The following ZNF37A variants were observed in gnomAD, a reference collection of about 807,000 sequenced individuals.
ZNF37A encodes zinc finger protein 37A, also known as zinc finger protein 37a (KOX 21).
Under a neutral mutation model 12.3 loss-of-function variants are expected in ZNF37A, and 10 were observed. The ratio of observed to expected loss-of-function variants is 0.82; its 90% CI spans 0.50 to 1.38. The LOEUF (loss-of-function observed/expected upper bound fraction) is 1.38. Ranked by LOEUF, ZNF37A falls within the 40% of genes most tolerant of loss-of-function variation. ZNF37A has a pLI of 0.00. For synonymous variants in ZNF37A, 207 were observed against 223.0 expected (o/e 0.93, Z 0.64); for missense variants, 580 against 651.2 (o/e 0.89, Z 1.19).
At chr10:38,141,040 C>A (rs1280078508) in intron 7 of ZNF37A, 1 of 152,118 alleles carries the variant, frequency 6.6e-6, no homozygotes, top group Non-Finnish European at 1.5e-5. Context: ...TGGCTGTTGG[C>A]AAGATCCAAT....
chr10:38,115,682 T>C (rs1019173833), intron 7 of ZNF37A: 5 of 153,128 alleles, frequency 3.3e-5, no homozygotes, highest in African/African-American at 9.6e-5. Flanking sequence ...AAATTAAATA[T>C]ATTTTTCTAT....
At chr10:38,149,596 A>G (rs1425970683) in exon 8 of ZNF37A, 1 of 44,410 alleles carries the variant, frequency 2.3e-5, no homozygotes, top group Non-Finnish European at 4.6e-5. Flanking sequence ...TTTTTTTGAG[A>G]GAGAGTCTAG....
chr10:38,146,052 A>T (rs1015161774), intron 7 of ZNF37A, among the ~76,000 whole-genome samples: 1 of 152,220 alleles, frequency 6.6e-6, no homozygotes, highest in Non-Finnish European at 1.5e-5. Context: ...GTGAGCCAAG[A>T]TCATACCATT....
intron 7 of ZNF37A, chr10:38,140,040 G>A (rs1033071742): frequency 7.2e-5 from 11 of 152,266 alleles, no homozygotes; most frequent in South Asian, 2.1e-4. Flanking sequence ...CTAGAGCTGC[G>A]TGGTCCTATA....
At position 38,117,812 on chromosome 10, in the gene ZNF37A, GTTTACCCA is replaced by G; in HGVS notation, c.664_671del (p.Tyr222GlnfsTer16). The G allele has an allele frequency of 6.2e-7, 1 of 1,613,966 alleles. No homozygotes were observed. The highest frequency in any genetic ancestry group is 1.3e-5 in the African/African-American group (1 of 75,024). The stretch of plus-strand genomic sequence containing the variant: ...ATCCATTCTCCTTGAACATCAGAGT[GTTTACCCA>G]TTCAGCCAGAAGTTAAATCTCACTC... On this transcript the variant is annotated frameshift_variant, in exon 8 of 8. Transcript: ENST00000685332. LOFTEE classifies it low-confidence loss of function (END_TRUNC).
chr10:38,118,283 A>G lies in ZNF37A; in HGVS notation c.1132A>G (p.Thr378Ala), dbSNP rs1443041443. The G allele has an allele frequency of 5.6e-6, 9 of 1,614,032 alleles. No homozygotes were observed. The highest frequency in any genetic ancestry group is 7.6e-6 in the Non-Finnish European group (9 of 1,179,988). ...SVLTVHQKTH[T>A]GEKPYECYAC... is the part of the protein sequence containing the mutation. ...CCTTACTGTGCATCAGAAAACACAC[A>G]CAGGGGAGAAGCCCTATGAATGCTA... The change falls in exon 8 of 8, where the codon ACA becomes GCA. Residue 378 changes from threonine to alanine, a missense_variant. Transcript: ENST00000685332.
At chr10:38,108,453 A>G (rs2068330388) in intron 5 of ZNF37A, among the ~76,000 whole-genome samples, 1 of 152,204 alleles carries the variant, frequency 6.6e-6, no homozygotes, top group African/African-American at 2.4e-5. Flanking sequence ...AGCAAGAGCA[A>G]ATACATTCAA....
At position 38,115,186 on chromosome 10, in the gene ZNF37A, C is replaced by T; in HGVS notation, c.143-9C>T. ...AGTTTGTCCCAAGTAATACAATTCT[C>T]ATTCACAGGGTATTGCATTCCTAAA... On this transcript the variant is annotated splice_polypyrimidine_tract_variant and intron_variant, in intron 6 of 7. Transcript: ENST00000685332. 2 of 1,609,404 alleles carry T rather than the reference C, an allele frequency of 1.2e-6. No homozygotes were observed. Among genetic ancestry groups the T allele is most frequent in the Non-Finnish European group, 1.7e-6 (2 of 1,177,400 alleles).
chr10:38,107,847 A>T (rs1243245544), intron 5 of ZNF37A, among the ~76,000 whole-genome samples: 4 of 152,234 alleles, frequency 2.6e-5, no homozygotes, highest in Admixed American at 2.0e-4. Context: ...ACCCAGATTC[A>T]TAAAGCAAGT....
At position 38,140,856 on chromosome 10, in the gene ZNF37A, T is replaced by C. The variant is rs149087194; in HGVS notation, c.239-5876T>C. 460 of 152,320 alleles carry C rather than the reference T, an allele frequency of 3.0e-3. 5 individuals are homozygous for C. Among genetic ancestry groups the C allele is most frequent in the African/African-American group, 0.01 (433 of 41,574 alleles). The allele number at this position is 152,320 out of a possible 1,614,324, so 9.4% of individuals were successfully genotyped here. ...GTGCTCAAAACACAAGGATGTGGCA[T>C]GCGTCGTAATCCAAAGTAAAATATA... On this transcript the variant is annotated intron_variant, in intron 7 of 7. Transcript: ENST00000638053.
At chr10:38,148,030 G>A (rs528305435) in exon 8 of ZNF37A, 125 of 152,280 alleles carry the variant, frequency 8.2e-4, no homozygotes, top group African/African-American at 2.6e-3. Context: ...TCTAGATATT[G>A]AGGGTATCAA....
In ZNF37A at chr10:38,117,933, A is replaced by G. The variant is rs1278679767; in HGVS notation, c.782A>G (p.Gln261Arg). 3 of 1,613,964 alleles carry G rather than the reference A, an allele frequency of 1.9e-6. No homozygotes were observed. The highest frequency in any genetic ancestry group is 2.5e-6 in the Non-Finnish European group (3 of 1,180,010). ...AGTGAAAAATTAGTCCTTCATTTAC[A>G]ACAGAGAACACATACAGGAGAAAAA... ...FFSEKLVLHL[Q>R]QRTHTGEKPY... The change falls in exon 8 of 8, where the codon CAA (glutamine) becomes CGA (arginine). Residue 261 changes from glutamine (Q) to arginine (R), a missense_variant. Physicochemically the swap from Gln to Arg is conservative, Grantham distance 43 (BLOSUM62 1). Transcript: ENST00000685332.
chr10:38,123,299 C>T lies in ZNF37A; in HGVS notation c.*4462C>T, dbSNP rs1191414687. The T allele has an allele frequency of 2.5e-4, 38 of 151,766 alleles. No individual in the cohort carries two copies. In the Admixed American group the frequency reaches 2.5e-3, roughly 10 times the overall value. The allele number at this position is 151,766 out of a possible 1,614,324, so 9.4% of individuals were successfully genotyped here. On this transcript the variant is annotated 3_prime_UTR_variant, in exon 8 of 8. Transcript: ENST00000685332. ...TAAACATATACACCTACTTTGTACCCACAAAAATTTAAAAATAAAGTTAAT... is the reference window on the plus strand; with the variant it reads ...TAAACATATACACCTACTTTGTACCTACAAAAATTTAAAAATAAAGTTAAT...
chr10:38,149,193 C>T (rs536721085), exon 8 of ZNF37A: 88 of 152,246 alleles, frequency 5.8e-4, no homozygotes, highest in African/African-American at 2.1e-3. Flanking sequence ...ATCCAATATT[C>T]CCACTTCTCA....
downstream of ZNF37A, among the ~76,000 whole-genome samples, chr10:38,129,255 T>C (rs1452596253): frequency 1.4e-5 from 2 of 138,294 alleles, no homozygotes; most frequent in Admixed American, 8.1e-5. Flanking sequence ...GGCATAGTGA[T>C]CTTAAGAACT....
At chr10:38,098,878 T>C (rs776991334) in intron 5 of ZNF37A, among the ~76,000 whole-genome samples, 44 of 149,282 alleles carry the variant, frequency 2.9e-4, no homozygotes, top group Admixed American at 1.0e-3. Flanking sequence ...AATTTGCTTT[T>C]TGACTGTGCA....
chr10:38,101,823 C>CTTTTTTTTTT (rs3041908), intron 5 of ZNF37A, among the ~76,000 whole-genome samples: 6 of 133,166 alleles, frequency 4.5e-5, no homozygotes, highest in Non-Finnish European at 8.0e-5. Context: ...TTTTATTTTT[C>CTTTTTTTTTT]TTTTTTTTTT....
intron 5 of ZNF37A, among the ~76,000 whole-genome samples, chr10:38,099,720 T>A (rs2067412513): frequency 6.6e-6 from 1 of 152,216 alleles, no homozygotes; most frequent in Non-Finnish European, 1.5e-5. Context: ...GGTACACCAT[T>A]TTTACAGTCC....
chr10:38,135,001 A>G (rs1355077445), intron 7 of ZNF37A, among the ~76,000 whole-genome samples: 1 of 152,198 alleles, frequency 6.6e-6, no homozygotes, highest in African/African-American at 2.4e-5. Flanking sequence ...TATTCTTTAG[A>G]TATCTACTTG....
Sources: allele counts gnomAD v4.1 joint callset (sites outside exome capture counted in the v4.1 genomes callset), GRCh38; gene constraint gnomAD v4.1.1; transcripts MANE v1.5; gene names NCBI Gene and HGNC (gene_info 2026-07-23, HGNC 2026-07-21).